NPHP4: variants seen among roughly 807,000 people sequenced by gnomAD.
NPHP4 encodes nephrocystin-4.
NPHP4 carries 151 observed loss-of-function variants against 155.8 expected under a neutral mutation model. That is an observed-to-expected ratio of 0.97 (90% CI 0.85 to 1.11). The LOEUF is 1.11. Among genes scored for constraint, NPHP4 ranks in the 50% least tolerant of loss-of-function variants. NPHP4 has a pLI of 0.00. For missense variants in NPHP4, 1,956 were observed against 1,925.7 expected (o/e 1.02, Z -0.29); for synonymous variants, 845 against 816.8 (o/e 1.03, Z -0.59).
intron 9 of NPHP4, among the ~76,000 whole-genome samples, chr1:5,942,668 T>A (rs1294111806): frequency 1.4e-5 from 2 of 144,022 alleles, no homozygotes; most frequent in Non-Finnish European, 3.0e-5. Context: ...CAAGACATGA[T>A]CCTGAACTGG....
At chr1:5,969,601 G>C (rs1652191364) in intron 3 of NPHP4, among the ~76,000 whole-genome samples, 1 of 152,136 alleles carries the variant, frequency 6.6e-6, no homozygotes, top group Non-Finnish European at 1.5e-5. Context: ...AGCAGAATGG[G>C]GCTAGAGCAG....
chr1:5,977,503 T>C (rs994551827), intron 3 of NPHP4, among the ~76,000 whole-genome samples: 1 of 152,046 alleles, frequency 6.6e-6, no homozygotes, highest in African/African-American at 2.4e-5. Flanking sequence ...CTCCTGAGAA[T>C]TTAACACAAC....
In NPHP4 at chr1:5,867,207, G is replaced by C. The variant is rs111317039; in HGVS notation, c.3473-92C>G. 3.1e-6 allele frequency: 3 copies of C among 968,336 alleles called. No homozygotes were observed. Among genetic ancestry groups the C allele is most frequent in the South Asian group, 3.0e-5 (2 of 65,672 alleles). 60.0% of individuals were successfully genotyped at this position (968,336 alleles called of 1,614,324 possible). On this transcript the variant is annotated intron_variant, in intron 24 of 29. Transcript: ENST00000378156. This position sits in a 1 kb window ranked among gnomAD's most constrained non-coding sequence, Gnocchi z 4.1. ...ACATTACACACTATAGGACAGGACA[G>C]GCTCGTCACAGGTGCTCAGCAAGAC...
At position 5,866,446 on chromosome 1, in the gene NPHP4, G is replaced by A; in HGVS notation, c.3571C>T (p.Pro1191Ser). Residue 1191 changes from proline (P) to serine (S), a missense_variant, in exon 26 of 30, where the codon CCA becomes TCA. By Grantham distance (74) the Pro-to-Ser change is moderately conservative. Coordinates refer to ENST00000378156, the MANE Select transcript of NPHP4 (RefSeq NM_015102.5). ...GCCACCTTCAGAAATATGTCCCGTG[G>A]TTCCCCGGGGCCCTGCCAACCAGAT... ...CETQNVGPGE[P>S]RDIFLKVASG... 1 of 1,599,134 alleles carries A rather than the reference G, an allele frequency of 6.3e-7. No individual in the cohort carries two copies. The highest frequency in any genetic ancestry group is 2.3e-5 in the East Asian group (1 of 44,316).
At position 5,909,593 on chromosome 1, in the gene NPHP4, CCT is replaced by C. The variant is rs751324131; in HGVS notation, c.1442-382_1442-381del. 2.0e-5 allele frequency among the ~76,000 whole-genome samples: 3 copies of C among 152,314 alleles called. No homozygotes were observed. In the South Asian group the frequency reaches 6.2e-4, roughly 32 times the overall value. ...TGAGGTTGCCCCAGTCTTGCAGCTC[CCT>C]GACTCCGGCTGTTTTGTTAACCGAG... On this transcript the variant is annotated intron_variant, in intron 11 of 29. Transcript: ENST00000378156.
At chr1:5,938,490 C>G (rs1332709703) in intron 9 of NPHP4, among the ~76,000 whole-genome samples, 1 of 152,234 alleles carries the variant, frequency 6.6e-6, no homozygotes, top group Non-Finnish European at 1.5e-5. Context: ...GGATCCAGTA[C>G]ATGCAGAACT....
At chr1:5,973,553 C>T (rs1374803885) in intron 3 of NPHP4, among the ~76,000 whole-genome samples, 1 of 152,200 alleles carries the variant, frequency 6.6e-6, no homozygotes, top group African/African-American at 2.4e-5. Flanking sequence ...CACCATTGCA[C>T]TCCAGCCTGG....
At chr1:5,933,124 A>C in intron 10 of NPHP4, 23 bp downstream of exon 10, 3 of 1,494,834 alleles carry the variant, frequency 2.0e-6, no homozygotes, top group South Asian at 1.4e-5. Context: ...CCGGAGATGC[A>C]TAAGAAATAC....
In NPHP4 at chr1:5,986,271, T is replaced by C. The variant is rs955721535; in HGVS notation, c.19A>G (p.Ile7Val). The change falls in exon 2 of 30, where the codon ATC (isoleucine) becomes GTC (valine). Residue 7 changes from isoleucine (I) to valine (V), a missense_variant. Physicochemically the swap from Ile to Val is conservative, Grantham distance 29 (BLOSUM62 3). Transcript: ENST00000378156. ...GGGACAAGCACGTTTTGGGTGAAGA[T>C]CCTGTGCCAGTCGTTCATCCTGCCC... MNDWHR[I>V]FTQNVLVPPH... 1.1e-5 allele frequency: 18 copies of C among 1,613,638 alleles called. No homozygotes were observed. Among genetic ancestry groups the C allele is most frequent in the Middle Eastern group, 1.6e-4 (1 of 6,078 alleles).
intron 1 of NPHP4, among the ~76,000 whole-genome samples, chr1:5,990,737 G>C (rs1378574178): frequency 6.6e-6 from 1 of 152,198 alleles, no homozygotes; most frequent in African/African-American, 2.4e-5. Context: ...GAGGCCAAGG[G>C]AGAAGAGAGG....
intron 11 of NPHP4, among the ~76,000 whole-genome samples, chr1:5,924,828 T>C (rs1645915985): frequency 6.6e-6 from 1 of 152,076 alleles, no homozygotes; most frequent in Non-Finnish European, 1.5e-5. Flanking sequence ...CTAATTTGTT[T>C]TATTTTTAGT....
chr1:5,952,742 C>G lies in NPHP4; in HGVS notation c.768G>C (p.Glu256Asp). 2 of 1,565,848 alleles carry G rather than the reference C, an allele frequency of 1.3e-6. No individual in the cohort carries two copies. The highest frequency in any genetic ancestry group is 1.7e-6 in the Non-Finnish European group (2 of 1,155,014). ...GGACGTGGAGCTCCAGCAGCTCTTC[C>G]TCAAACTTCTCCAGGGAGGGGTACA... Reference protein sequence around the residue: ...FTLYPSLEKFEEELLELHVQD... With the variant: ...FTLYPSLEKFDEELLELHVQD... The change falls in exon 7 of 30, where the codon GAG becomes GAC. Residue 256 changes from glutamate (E) to aspartate (D), a missense_variant. Physicochemically the swap from Glu to Asp is conservative, Grantham distance 45 (BLOSUM62 2). Coordinates refer to ENST00000378156, the MANE Select transcript of NPHP4 (RefSeq NM_015102.5).
intron 29 of NPHP4, 125 bp from the exon 30 acceptor site, chr1:5,863,530 G>A (rs1640858001): frequency 1.7e-6 from 2 of 1,162,104 alleles, no homozygotes; most frequent in Admixed American, 1.9e-5. Flanking sequence ...CCCTGCGGGT[G>A]CATCCAAGGC....
In NPHP4 at chr1:5,915,908, T is replaced by C. The variant is rs190646305; in HGVS notation, c.1442-6695A>G. On this transcript the variant is annotated intron_variant, in intron 11 of 29. Coordinates refer to ENST00000378156, the MANE Select transcript of NPHP4 (RefSeq NM_015102.5). ...CACCATGTGATTGACTGAACCACCC[T>C]CACCCAGGACAAGGGAGCTGCTGTC... is the stretch of plus-strand genomic sequence containing the variant. Among the ~76,000 whole-genome samples, 35 of 152,198 alleles carry C rather than the reference T, an allele frequency of 2.3e-4. No individual in the cohort carries two copies. In the East Asian group the frequency reaches 6.2e-3, roughly 27 times the overall value.
At chr1:5,888,568 G>A (rs762749850) in intron 17 of NPHP4, 36 of 1,351,134 alleles carry the variant, frequency 2.7e-5, no homozygotes, top group South Asian at 4.6e-5. Flanking sequence ...CGATGATTCC[G>A]GAACCTCAGT....
Position 5,962,755 on chromosome 1 carries a change from G to C in NPHP4, c.518-806C>G, listed in dbSNP as rs61762130. Among the ~76,000 whole-genome samples, 79 of 152,368 alleles carry C rather than the reference G, an allele frequency of 5.2e-4. No homozygotes were observed. In the Middle Eastern group the frequency reaches 0.01, roughly 20 times the overall value. On this transcript the variant is annotated intron_variant, in intron 5 of 29. Transcript: ENST00000378156. Reference sequence around the variant, plus strand: ...AAAAGGGCATGAAGGAAAGACTCTGGAGAAATGACACCCGGGAGGAGTGCG... The same window carrying C: ...AAAAGGGCATGAAGGAAAGACTCTGCAGAAATGACACCCGGGAGGAGTGCG...
chr1:5,868,163 C>T, intron 23 of NPHP4: 2 of 555,736 alleles, frequency 3.6e-6, no homozygotes, highest in South Asian at 3.7e-5. Context: ...CTCGCGAGTA[C>T]AGCACACTTC....
intron 7 of NPHP4, among the ~76,000 whole-genome samples, chr1:5,950,347 G>T (rs942747320): frequency 1.3e-5 from 2 of 152,170 alleles, no homozygotes; most frequent in African/African-American, 4.8e-5. Context: ...AAGCCTTGAA[G>T]CTCAAAGGGA....
At position 5,933,154 on chromosome 1, in the gene NPHP4, G is replaced by C; in HGVS notation, c.1295C>G (p.Ser432Cys). 1 of 1,585,852 alleles carries C rather than the reference G, an allele frequency of 6.3e-7. No homozygotes were observed. The highest frequency in any genetic ancestry group is 8.6e-7 in the Non-Finnish European group (1 of 1,161,272). The stretch of plus-strand genomic sequence containing the variant: ...AAATACCTAATAATTTACCTCTTCA[G>C]AGCTCATGCTGGCTGAGGGTACCTT... ...VYKVPSASMS[S>C]EEVKQVESGT... Residue 432 changes from serine to cysteine, a missense_variant, in exon 10 of 30, where the codon TCT becomes TGT. Transcript: ENST00000378156.
Sources: allele counts gnomAD v4.1 joint callset (sites outside exome capture counted in the v4.1 genomes callset), GRCh38; gene constraint gnomAD v4.1.1; non-coding constraint Gnocchi (gnomAD v3.1); transcripts MANE v1.5; gene names NCBI Gene and HGNC (gene_info 2026-07-23, HGNC 2026-07-21).